SUGCT: variants seen among roughly 807,000 people sequenced by gnomAD.
SUGCT encodes succinyl-CoA:glutarate-CoA transferase.
Under a neutral mutation model 55.0 loss-of-function variants are expected in SUGCT, and 41 were observed. The ratio of observed to expected loss-of-function variants is 0.74; its 90% CI spans 0.58 to 0.97. The LOEUF (loss-of-function observed/expected upper bound fraction) is 0.97, where lower values mean the gene tolerates loss of function less well. SUGCT is among the 50% of genes least tolerant of loss of function. SUGCT has a pLI of 0.00. For synonymous variants in SUGCT, 187 were observed against 200.4 expected, an observed-to-expected ratio of 0.93 and a Z score of 0.56; for missense variants, 568 against 547.8, an observed-to-expected ratio of 1.04 and a Z score of -0.37.
At chr7:40,295,115 G>A (rs1213223173) in intron 8 of SUGCT, among the ~76,000 whole-genome samples, 3 of 152,190 alleles carry the variant, frequency 2.0e-5, no homozygotes, top group East Asian at 1.9e-4. Context: ...AAAGTATGGA[G>A]CATAGTACTT....
At chr7:40,994,940 G>A in the SUGCT span, among the ~76,000 whole-genome samples, 2 of 152,308 alleles carry the variant, frequency 1.3e-5, no homozygotes, top group Admixed American at 6.5e-5. Context: ...CTCACCAGAA[G>A]CAGATGCTGG....
intron 12 of SUGCT, among the ~76,000 whole-genome samples, chr7:40,525,061 A>T (rs1384800495): frequency 6.6e-6 from 1 of 152,228 alleles, no homozygotes; most frequent in African/African-American, 2.4e-5. Flanking sequence ...ACTGTTAAAC[A>T]TTCATTATTT....
chr7:40,936,673 A>G, the SUGCT span, among the ~76,000 whole-genome samples: 1 of 151,726 alleles, frequency 6.6e-6, no homozygotes, highest in Non-Finnish European at 1.5e-5. Context: ...CTAGTTTCTT[A>G]TAACAGAAAG....
At chr7:40,428,528 G>C (rs1483320689) in intron 9 of SUGCT, among the ~76,000 whole-genome samples, 1 of 26,590 alleles carries the variant, frequency 3.8e-5, no homozygotes. Flanking sequence ...TCTGCTGTGT[G>C]TGTGTGTGTG....
At chr7:40,245,433 T>TA (rs1562607503) in intron 7 of SUGCT, among the ~76,000 whole-genome samples, 1,077 of 37,896 alleles carry the variant, frequency 0.028, 153 homozygotes, top group Admixed American at 0.058. Flanking sequence ...ATTTTTTTTT[T>TA]TTTTTTTTTT....
At chr7:40,492,458 G>A (rs1282041347) in intron 11 of SUGCT, among the ~76,000 whole-genome samples, 1 of 152,140 alleles carries the variant, frequency 6.6e-6, no homozygotes, top group Non-Finnish European at 1.5e-5. Flanking sequence ...TCAGTGCTGA[G>A]TAGGTCAGTC....
the SUGCT span, among the ~76,000 whole-genome samples, chr7:41,035,369 C>T: frequency 6.6e-6 from 1 of 152,170 alleles, no homozygotes; most frequent in Non-Finnish European, 1.5e-5. Context: ...CATCCAGGAA[C>T]CCCTGGGCCC....
intron 9 of SUGCT, chr7:40,387,873 GAT>G (rs1785208035): frequency 6.6e-6 from 1 of 152,122 alleles, no homozygotes; most frequent in African/African-American, 2.4e-5. Flanking sequence ...CTGTTCCTGA[GAT>G]AGATACTATT....
At chr7:40,909,206 G>C in the SUGCT span, among the ~76,000 whole-genome samples, 8 of 152,066 alleles carry the variant, frequency 5.3e-5, no homozygotes, top group East Asian at 9.7e-4. Context: ...TTCCTTCTCG[G>C]GTCACCTGGA....
Position 40,860,296 on chromosome 7 carries a change from C to T in SUGCT, c.1154-20C>T, listed in dbSNP as rs780015351. 1.2e-6 allele frequency: 2 copies of T among 1,613,854 alleles called. No individual in the cohort carries two copies. Among genetic ancestry groups the T allele is most frequent in the South Asian group, 2.2e-5 (2 of 91,050 alleles). ...GGGTTAGTCATTAACAGGCTTCCTG[C>T]TTTCCTTCTCCTTTGGCAGGCCCAG... On this transcript the variant is annotated intron_variant, in intron 13 of 13. Transcript: ENST00000335693.
chr7:40,974,194 A>G, the SUGCT span, among the ~76,000 whole-genome samples: 1 of 152,204 alleles, frequency 6.6e-6, no homozygotes, highest in South Asian at 2.1e-4. Context: ...TGTTGTTCAC[A>G]TAGGGTGCCC....
chr7:40,265,965 A>ACG (rs1288110825), intron 7 of SUGCT, among the ~76,000 whole-genome samples: 2 of 151,624 alleles, frequency 1.3e-5, no homozygotes, highest in Non-Finnish European at 2.9e-5. Flanking sequence ...AAAACCACAC[A>ACG]CACACACACA....
the SUGCT span, among the ~76,000 whole-genome samples, chr7:40,872,316 A>G: frequency 6.6e-6 from 1 of 152,234 alleles, no homozygotes; most frequent in East Asian, 1.9e-4. Context: ...AACTTACCAT[A>G]GTGGTTTTTT....
At chr7:40,326,636 T>G (rs1584689230) in intron 9 of SUGCT, among the ~76,000 whole-genome samples, 1 of 152,194 alleles carries the variant, frequency 6.6e-6, no homozygotes, top group East Asian at 1.9e-4. Flanking sequence ...TGTCCAAATA[T>G]AGCATTATTA....
chr7:40,602,931 CTT>C (rs1476718026), intron 12 of SUGCT, among the ~76,000 whole-genome samples: 1 of 152,080 alleles, frequency 6.6e-6, no homozygotes, highest in African/African-American at 2.4e-5. Context: ...CCCAAACAGT[CTT>C]GGGTGGCTGC....
intron 8 of SUGCT, among the ~76,000 whole-genome samples, chr7:40,304,392 A>C (rs2151084801): frequency 6.6e-6 from 1 of 151,730 alleles, no homozygotes; most frequent in African/African-American, 2.4e-5. Context: ...TCCTGGGCCA[A>C]TTCTTTTTTT....
At chr7:40,683,030 T>C (rs186276205) in intron 12 of SUGCT, among the ~76,000 whole-genome samples, 1 of 152,332 alleles carries the variant, frequency 6.6e-6, no homozygotes, top group East Asian at 1.9e-4. Flanking sequence ...TTTGCATTTT[T>C]TTAATTTGTC....
At chr7:40,220,493 T>C (rs1038779941) in intron 6 of SUGCT, among the ~76,000 whole-genome samples, 1 of 152,344 alleles carries the variant, frequency 6.6e-6, no homozygotes, top group East Asian at 1.9e-4. Flanking sequence ...AGCCAAGTGA[T>C]AGTCCCTGAG....
At chr7:40,178,554 T>A (rs960843602) in intron 1 of SUGCT, among the ~76,000 whole-genome samples, 2 of 152,164 alleles carry the variant, frequency 1.3e-5, no homozygotes, top group African/African-American at 4.8e-5. Flanking sequence ...TTAAGGGTTT[T>A]TTTTTTGCTC....
Sources: gnomAD v4.1 joint callset for allele counts (sites outside exome capture counted in the v4.1 genomes callset) on GRCh38, gnomAD v4.1.1 for gene constraint, MANE v1.5 for transcripts, NCBI Gene and HGNC (gene_info 2026-07-23, HGNC 2026-07-21) for gene names.